NAV2: variants seen among roughly 807,000 people sequenced by gnomAD.
NAV2 encodes neuron navigator 2, also known as helicase, APC down-regulated 1.
In NAV2, 54 loss-of-function variants were observed where a neutral mutation model predicts 223.2. The observed-to-expected ratio is 0.24, with a 90% CI of 0.19 to 0.30. The LOEUF is 0.30. Ranked by LOEUF, NAV2 falls within the 10% of genes least tolerant of loss-of-function variation. NAV2 has a pLI of 1.00. For missense variants in NAV2, 2,806 were observed against 3,147.5 expected (o/e 0.89, Z 2.60); for synonymous variants, 1,279 against 1,239.3 (o/e 1.03, Z -0.67).
At chr11:19,607,502 T>G (rs1013421) in intron 1 of NAV2, among the ~76,000 whole-genome samples, 28,578 of 152,210 alleles carry the variant, frequency 0.19, 6,563 homozygotes, top group African/African-American at 0.55. Flanking sequence ...TCTACTTAAA[T>G]GTTGTCTGAC....
At chr11:19,525,596 A>C (rs1321311291) in intron 1 of NAV2, among the ~76,000 whole-genome samples, 1 of 152,170 alleles carries the variant, frequency 6.6e-6, no homozygotes, top group African/African-American at 2.4e-5. Context: ...GGTAGGAAGC[A>C]ACTTCAGCGA....
At chr11:19,783,265 A>T (rs1483900219) in intron 1 of NAV2, among the ~76,000 whole-genome samples, 3 of 152,198 alleles carry the variant, frequency 2.0e-5, no homozygotes. Flanking sequence ...TGTGGGATCC[A>T]GTCCATTGGT....
intron 28 of NAV2, 88 bp downstream of exon 28, chr11:20,092,456 A>G: frequency 2.9e-6 from 4 of 1,401,310 alleles, no homozygotes; most frequent in Non-Finnish European, 3.9e-6. Context: ...AAGCAGATCA[A>G]CAGATCAAAT....
intron 1 of NAV2, among the ~76,000 whole-genome samples, chr11:19,582,082 T>C (rs1479092730): frequency 1.3e-5 from 2 of 152,250 alleles, no homozygotes; most frequent in South Asian, 2.1e-4. Context: ...TGGTATCTCA[T>C]TGTGGTTTTG....
chr11:19,676,818 TG>T (rs1455799938), intron 1 of NAV2, among the ~76,000 whole-genome samples: 1 of 152,176 alleles, frequency 6.6e-6, no homozygotes, highest in Non-Finnish European at 1.5e-5. Context: ...GTTGCCTTAT[TG>T]TGGGTCAGGC....
At chr11:19,897,486 C>T (rs961515853) in intron 6 of NAV2, among the ~76,000 whole-genome samples, 5 of 152,130 alleles carry the variant, frequency 3.3e-5, no homozygotes, top group Non-Finnish European at 7.4e-5. Flanking sequence ...TAAAATCATG[C>T]CCCCTCCTAC....
At chr11:19,895,108 T>TC (rs2041857389) in intron 6 of NAV2, among the ~76,000 whole-genome samples, 2 of 62,738 alleles carry the variant, frequency 3.2e-5, no homozygotes, top group Admixed American at 2.8e-4. Flanking sequence ...TTCTTTCTTT[T>TC]TTTTTTTTTT....
chr11:19,962,913 C>T, intron 10 of NAV2, among the ~76,000 whole-genome samples: 1 of 152,166 alleles, frequency 6.6e-6, no homozygotes, highest in East Asian at 1.9e-4. Context: ...GTCTTGTATC[C>T]CTTTCCCAGA....
intron 1 of NAV2, among the ~76,000 whole-genome samples, chr11:19,590,042 G>T (rs2046014121): frequency 6.6e-6 from 1 of 152,082 alleles, no homozygotes; most frequent in African/African-American, 2.4e-5. Flanking sequence ...CCAGCTGTGT[G>T]GGTCCCAGGC....
intron 1 of NAV2, among the ~76,000 whole-genome samples, chr11:19,359,794 T>G (rs1311838505): frequency 2.0e-5 from 3 of 152,186 alleles, no homozygotes; most frequent in Non-Finnish European, 2.9e-5. Context: ...AATCAGGGGC[T>G]CAAGATGCTG....
chr11:19,875,522 C>T (rs2062786117), intron 4 of NAV2, among the ~76,000 whole-genome samples: 1 of 152,126 alleles, frequency 6.6e-6, no homozygotes, highest in Admixed American at 6.5e-5. Flanking sequence ...TAAGTAAAAC[C>T]ATCACAAGTT....
In NAV2 at chr11:19,621,734, G is replaced by GT. The variant is rs1013896665; in HGVS notation, c.76-210742dup. On this transcript the variant is annotated intron_variant, in intron 1 of 37. Transcript: ENST00000360655. ...CCTGGATTCATTGATTTTTTGAAGTGTTTTTTTTGTCTCTATCTCCTTCAG... is the reference window on the plus strand; with the variant it reads ...CCTGGATTCATTGATTTTTTGAAGTGTTTTTTTTTGTCTCTATCTCCTTCAG... 3.1e-3 allele frequency among the ~76,000 whole-genome samples: 472 copies of GT among 151,786 alleles called. 1 individual carries two copies. Among genetic ancestry groups the GT allele is most frequent in the African/African-American group, 0.01 (431 of 41,356 alleles).
intron 17 of NAV2, among the ~76,000 whole-genome samples, chr11:20,052,751 C>T (rs2058091595): frequency 6.6e-6 from 1 of 152,192 alleles, no homozygotes; most frequent in African/African-American, 2.4e-5. Context: ...TCTGTGCTCC[C>T]TCTCACTCTG....
chr11:19,658,663 G>T (rs142065245), intron 1 of NAV2, among the ~76,000 whole-genome samples: 3 of 152,256 alleles, frequency 2.0e-5, no homozygotes, highest in Admixed American at 6.5e-5. Context: ...CAGTATCCCC[G>T]TGCAGGCTCT....
chr11:19,609,290 A>T (rs1017418218), intron 1 of NAV2, among the ~76,000 whole-genome samples: 1 of 152,216 alleles, frequency 6.6e-6, no homozygotes, highest in Non-Finnish European at 1.5e-5. Flanking sequence ...ACAGTAACCA[A>T]TTCCAAATAT....
chr11:19,426,338 A>G (rs1012448552), intron 1 of NAV2, among the ~76,000 whole-genome samples: 2 of 152,204 alleles, frequency 1.3e-5, no homozygotes, highest in African/African-American at 4.8e-5. Context: ...CAGCTTCCCC[A>G]GGGCATTTAA....
At chr11:19,430,976 T>C (rs1321335902) in intron 1 of NAV2, among the ~76,000 whole-genome samples, 1 of 152,184 alleles carries the variant, frequency 6.6e-6, no homozygotes, top group Non-Finnish European at 1.5e-5. Context: ...GCCTGAGGCT[T>C]TAGCCAAGAT....
rs948388710 is a variant in NAV2, at chr11:19,894,477, T to C, written c.931+1883T>C. Among the ~76,000 whole-genome samples the C allele has an allele frequency of 5.3e-5, 8 of 152,188 alleles. No individual in the cohort carries two copies. In the Middle Eastern group the frequency reaches 0.01, roughly 194 times the overall value. On this transcript the variant is annotated intron_variant, in intron 6 of 37. Transcript: ENST00000349880. ...GGATGTGAGACTCAAGTCCAAAAAA[T>C]TGAGAAAATAAAGATAAAAGTTCCT...
At chr11:19,676,466 T>C (rs545196888) in intron 1 of NAV2, among the ~76,000 whole-genome samples, 18 of 129,396 alleles carry the variant, frequency 1.4e-4, no homozygotes, top group Admixed American at 6.5e-4. Flanking sequence ...AGTGTTTCCC[T>C]CCTTACCTCT....
Sources: gnomAD v4.1 joint callset for allele counts (sites outside exome capture counted in the v4.1 genomes callset) on GRCh38, gnomAD v4.1.1 for gene constraint, MANE v1.5 for transcripts, NCBI Gene and HGNC (gene_info 2026-07-23, HGNC 2026-07-21) for gene names.